LMBR1: variants seen among roughly 807,000 people sequenced by gnomAD.
LMBR1 encodes the protein limb development membrane protein 1.
In LMBR1, 52 loss-of-function variants were observed where a neutral mutation model predicts 73.9. That is an observed-to-expected ratio of 0.70 (90% CI 0.56 to 0.89). The LOEUF (loss-of-function observed/expected upper bound fraction) is 0.89, where lower values mean the gene tolerates loss of function less well. Among genes scored for constraint, LMBR1 ranks in the 40% least tolerant of loss-of-function variants. The probability of loss-of-function intolerance (pLI) is 0.00; values close to 1 mark genes in which losing one functional copy is unlikely to be tolerated. For synonymous variants in LMBR1, 215 were observed against 209.4 expected, an observed-to-expected ratio of 1.03 and a Z score of -0.23; for missense variants, 539 against 579.8, an observed-to-expected ratio of 0.93 and a Z score of 0.72.
intron 1 of LMBR1, among the ~76,000 whole-genome samples, chr7:156,877,350 C>T (rs577433484): frequency 1.5e-4 from 23 of 151,896 alleles, no homozygotes; most frequent in Admixed American, 1.2e-3. Flanking sequence ...CCAATCCTAT[C>T]GACACTATTC....
Position 156,785,017 on chromosome 7 carries a change from GA to G in LMBR1, c.423+11371del, listed in dbSNP as rs372432078. ...CCAGAAAAATATATGTACACAAGAT[GA>G]ACTGTTAAAGTAAGAAGGACATAAA... On this transcript the variant is annotated intron_variant, in intron 5 of 16. Coordinates refer to ENST00000353442, the MANE Select transcript of LMBR1 (RefSeq NM_022458.4). Among the ~76,000 whole-genome samples the G allele has an allele frequency of 6.0e-3, 911 of 152,266 alleles. 7 individuals carry two copies. The highest frequency in any genetic ancestry group is 0.021 in the African/African-American group (855 of 41,550).
chr7:156,830,128 T>C (rs1004452514), intron 3 of LMBR1, among the ~76,000 whole-genome samples: 5 of 152,202 alleles, frequency 3.3e-5, no homozygotes, highest in Admixed American at 2.6e-4. Context: ...TAAGCACTAC[T>C]TCCTTCTTGA....
At chr7:156,774,446 A>G (rs959189688) in intron 5 of LMBR1, among the ~76,000 whole-genome samples, 1 of 152,254 alleles carries the variant, frequency 6.6e-6, no homozygotes, top group African/African-American at 2.4e-5. Flanking sequence ...CACAATAGCA[A>G]AGGCATGGAA....
At chr7:156,671,792 C>T (rs761400179) in intron 4 of LMBR1, among the ~76,000 whole-genome samples, 17 of 152,044 alleles carry the variant, frequency 1.1e-4, no homozygotes, top group Non-Finnish European at 8.8e-5. Context: ...AAACTTAAGT[C>T]GTGTAGAGTA....
intron 5 of LMBR1, among the ~76,000 whole-genome samples, chr7:156,773,670 C>T (rs147993007): frequency 0.041 from 6,210 of 152,160 alleles, 180 homozygotes; most frequent in Non-Finnish European, 0.049. Context: ...AAACTGGATC[C>T]CTTCCTTACA....
intron 14 of LMBR1, 128 bp downstream of exon 14, chr7:156,725,307 T>C: frequency 1.7e-6 from 1 of 596,874 alleles, no homozygotes; most frequent in South Asian, 2.7e-5. Context: ...AATCTTCCAG[T>C]TTGTGTTTAC....
intron 9 of LMBR1, among the ~76,000 whole-genome samples, chr7:156,737,723 A>G (rs1025065375): frequency 3.4e-5 from 5 of 146,634 alleles, no homozygotes; most frequent in African/African-American, 1.2e-4. Context: ...ATTTTTATGG[A>G]ACCTGGTCTT....
intron 15 of LMBR1, among the ~76,000 whole-genome samples, chr7:156,710,047 G>A (rs1811759100): frequency 6.6e-6 from 1 of 151,888 alleles, no homozygotes; most frequent in Non-Finnish European, 1.5e-5. Flanking sequence ...TGGGACTACA[G>A]GCGCCCGCCA....
chr7:156,889,228 G>C (rs1018403952), intron 1 of LMBR1, among the ~76,000 whole-genome samples: 12 of 152,168 alleles, frequency 7.9e-5, no homozygotes, highest in Admixed American at 1.3e-4. Flanking sequence ...GTGAAGAATG[G>C]AGAGTTACTG....
At chr7:156,781,705 G>C (rs944907409) in intron 5 of LMBR1, among the ~76,000 whole-genome samples, 1 of 152,006 alleles carries the variant, frequency 6.6e-6, no homozygotes, top group Admixed American at 6.6e-5. Context: ...TACCCAACTA[G>C]AACAAACATT....
intron 1 of LMBR1, among the ~76,000 whole-genome samples, chr7:156,837,543 C>T (rs1168062878): frequency 6.6e-6 from 1 of 151,944 alleles, no homozygotes; most frequent in Non-Finnish European, 1.5e-5. Flanking sequence ...CTGGAAACTA[C>T]TAACACAACC....
chr7:156,892,854 G>C (rs113623242), intron 1 of LMBR1, 74 bp downstream of exon 1: 65 of 1,076,900 alleles, frequency 6.0e-5, no homozygotes, highest in South Asian at 7.9e-5. Context: ...TCCGGGGACC[G>C]GGGGCCCGGG....
intron 10 of LMBR1, among the ~76,000 whole-genome samples, chr7:156,730,190 GA>G (rs1816579182): frequency 6.6e-6 from 1 of 152,164 alleles, no homozygotes; most frequent in African/African-American, 2.4e-5. Context: ...ATACAGAAAA[GA>G]AAAGGGCAAA....
rs927655900 is a variant in LMBR1, at chr7:156,670,032, G to GT, written n.867-746dup. On this transcript the variant is annotated intron_variant and non_coding_transcript_variant, in intron 4 of 4. Transcript: ENST00000430825. The surrounding 1 kb of genome is among the most constrained non-coding windows in gnomAD (Gnocchi z 4.3). ...GGCCTCTCTCTCCAGTGGTCATGTA[G>GT]TTTTTTTTATTTGCTGTTTATTTAA... Among the ~76,000 whole-genome samples the GT allele has an allele frequency of 4.6e-5, 7 of 152,166 alleles. No individual in the cohort carries two copies. Among genetic ancestry groups the GT allele is most frequent in the Admixed American group, 6.5e-5 (1 of 15,290 alleles).
chr7:156,738,579 C>G (rs1171237535), intron 9 of LMBR1, among the ~76,000 whole-genome samples: 4 of 152,120 alleles, frequency 2.6e-5, no homozygotes, highest in African/African-American at 9.7e-5. Context: ...TCCTTCTGCT[C>G]GAAGAGAGGA....
chr7:156,730,664 C>T (rs1816670468), intron 10 of LMBR1, among the ~76,000 whole-genome samples: 1 of 152,220 alleles, frequency 6.6e-6, no homozygotes, highest in Admixed American at 6.5e-5. Context: ...AGAGGCCAGG[C>T]ACGGTGGCTC....
chr7:156,839,645 A>G (rs1370283949), intron 1 of LMBR1, among the ~76,000 whole-genome samples: 1 of 152,218 alleles, frequency 6.6e-6, no homozygotes, highest in Non-Finnish European at 1.5e-5. Flanking sequence ...GATAGTGGAC[A>G]TTCCCTGCAC....
chr7:156,730,243 C>T (rs999996183), intron 10 of LMBR1, among the ~76,000 whole-genome samples: 4 of 152,190 alleles, frequency 2.6e-5, no homozygotes, highest in African/African-American at 9.7e-5. Context: ...CTTCAAGACA[C>T]CAGTGGCTAA....
chr7:156,827,354 A>G (rs1563467044), intron 3 of LMBR1, among the ~76,000 whole-genome samples: 1 of 152,180 alleles, frequency 6.6e-6, no homozygotes, highest in Non-Finnish European at 1.5e-5. Flanking sequence ...ATAGGTACTA[A>G]TATGGAAGAA....
Sources: allele counts gnomAD v4.1 joint callset (sites outside exome capture counted in the v4.1 genomes callset), GRCh38; gene constraint gnomAD v4.1.1; non-coding constraint Gnocchi (gnomAD v3.1); transcripts MANE v1.5; gene names NCBI Gene and HGNC (gene_info 2026-07-23, HGNC 2026-07-21).